Variants in HIRA observed in about 807,000 individuals in gnomAD.
HIRA encodes the protein histone cell cycle regulator, also known as protein HIRA.
In HIRA, 13 loss-of-function variants were observed where a neutral mutation model predicts 126.6. The observed-to-expected ratio is 0.10, with a 90% CI of 0.07 to 0.16. The LOEUF (loss-of-function observed/expected upper bound fraction) is 0.16, where lower values mean the gene tolerates loss of function less well. HIRA is among the 10% of genes least tolerant of loss of function. The pLI, the probability that HIRA is intolerant of heterozygous loss-of-function variation, is 1.00. For missense variants in HIRA, 834 were observed against 1,314.4 expected (o/e 0.63, Z 5.65); for synonymous variants, 511 against 520.0 (o/e 0.98, Z 0.24).
chr22:19,350,595 T>A (rs890164882), intron 24 of HIRA, among the ~76,000 whole-genome samples: 2 of 152,280 alleles, frequency 1.3e-5, no homozygotes, highest in East Asian at 3.9e-4. Context: ...ACCACACTGA[T>A]CCAAGTCACC....
chr22:19,361,438 CA>C, intron 16 of HIRA, 97 bp from the exon 17 acceptor site: 4 of 1,016,592 alleles, frequency 3.9e-6, no homozygotes. Flanking sequence ...AGCCTGCGAC[CA>C]GAGCATTTCC....
chr22:19,429,393 C>T (rs1887756369), intron 1 of HIRA, among the ~76,000 whole-genome samples: 1 of 152,174 alleles, frequency 6.6e-6, no homozygotes, highest in Non-Finnish European at 1.5e-5. Flanking sequence ...GCCTCAGCCT[C>T]CCAAAGTGCT....
At chr22:19,364,403 T>C (rs1232442972) in intron 15 of HIRA, among the ~76,000 whole-genome samples, 1 of 152,214 alleles carries the variant, frequency 6.6e-6, no homozygotes, top group East Asian at 1.9e-4. Context: ...GCAGAGACTA[T>C]GTTTTTTTTA....
chr22:19,369,338 TCACTGCCCAAC>T (rs1412183212), intron 15 of HIRA, among the ~76,000 whole-genome samples: 1 of 152,182 alleles, frequency 6.6e-6, no homozygotes, highest in African/African-American at 2.4e-5. Flanking sequence ...TGCAGGGGTC[TCACTGCCCAAC>T]CACTGTGACG....
chr22:19,397,058 C>T, intron 6 of HIRA, 111 bp from the exon 7 acceptor site: 1 of 933,796 alleles, frequency 1.1e-6, no homozygotes, highest in Non-Finnish European at 1.6e-6. Context: ...TCTGCCATGG[C>T]CAGCCCCCAC....
At chr22:19,333,573 G>T (rs781967146) in intron 24 of HIRA, among the ~76,000 whole-genome samples, 2 of 152,088 alleles carry the variant, frequency 1.3e-5, no homozygotes, top group African/African-American at 2.4e-5. Flanking sequence ...GTTCCTTTGG[G>T]ATTTTCCTAC....
chr22:19,406,904 T>G (rs1206190533), intron 4 of HIRA, among the ~76,000 whole-genome samples: 1 of 152,296 alleles, frequency 6.6e-6, no homozygotes, highest in East Asian at 1.9e-4. Flanking sequence ...GAAATTTCAC[T>G]TGAAAAAACA....
intron 1 of HIRA, among the ~76,000 whole-genome samples, chr22:19,420,433 T>C (rs1331548170): frequency 2.3e-5 from 3 of 129,698 alleles, no homozygotes; most frequent in African/African-American, 6.5e-5. Context: ...GCCACTGCAC[T>C]GCAGCCTGGG....
intron 9 of HIRA, among the ~76,000 whole-genome samples, chr22:19,391,304 G>A (rs746166453): frequency 1.3e-5 from 2 of 152,160 alleles, no homozygotes; most frequent in Non-Finnish European, 2.9e-5. Context: ...AAACTCATCA[G>A]TGTAACAGAG....
intron 13 of HIRA, among the ~76,000 whole-genome samples, chr22:19,379,471 A>G (rs2089051134): frequency 6.6e-6 from 1 of 150,844 alleles, no homozygotes; most frequent in African/African-American, 2.4e-5. Context: ...CTAAAAATAC[A>G]AAAATTAGCC....
chr22:19,373,702 C>G (rs1206219794), intron 15 of HIRA, among the ~76,000 whole-genome samples: 1 of 152,164 alleles, frequency 6.6e-6, no homozygotes. Flanking sequence ...CAAAAACAGG[C>G]TGAGACATTC....
intron 5 of HIRA, among the ~76,000 whole-genome samples, chr22:19,399,514 C>A (rs564736403): frequency 2.0e-5 from 3 of 152,274 alleles, no homozygotes; most frequent in African/African-American, 7.2e-5. Context: ...TGAAGATTAA[C>A]TGGATTCTGG....
intron 9 of HIRA, among the ~76,000 whole-genome samples, chr22:19,391,355 C>T (rs2089179415): frequency 6.6e-6 from 1 of 152,124 alleles, no homozygotes; most frequent in South Asian, 2.1e-4. Context: ...GAGGTCTTGA[C>T]TGGGGAGGGA....
Position 19,378,054 on chromosome 22 carries a change from C to T in HIRA, c.1428G>A (p.Thr476=), listed in dbSNP as rs375533004. The part of the protein sequence containing the change: ...IAQLDTGDFS[T]AFFNSIPLSG... The stretch of plus-strand genomic sequence containing the variant: ...AGAGGGGGATGCTGTTAAAGAATGC[C>T]GTGGAGAAGTCCCTGTCATCAAGTA... Residue 476 remains threonine (T), a synonymous_variant, in exon 14 of 25, where the codon ACG becomes ACA. Transcript: ENST00000263208. 40 of 1,578,228 alleles carry T rather than the reference C, an allele frequency of 2.5e-5. No individual in the cohort carries two copies. Among genetic ancestry groups the T allele is most frequent in the Middle Eastern group, 3.4e-4 (2 of 5,890 alleles).
chr22:19,356,670 G>A (rs782655186), intron 19 of HIRA, among the ~76,000 whole-genome samples: 1 of 152,134 alleles, frequency 6.6e-6, no homozygotes, highest in East Asian at 1.9e-4. Flanking sequence ...GGAAATAATC[G>A]AGCAGGCAAG....
At chr22:19,400,231 G>T (rs953060808) in intron 5 of HIRA, among the ~76,000 whole-genome samples, 3 of 152,134 alleles carry the variant, frequency 2.0e-5, no homozygotes, top group African/African-American at 7.2e-5. Context: ...TCTGCTAGAG[G>T]TCTGGTAAAT....
At chr22:19,361,415 A>G in intron 16 of HIRA, 74 bp from the exon 17 acceptor site, 1 of 1,289,974 alleles carries the variant, frequency 7.8e-7, no homozygotes, top group Non-Finnish European at 1.1e-6. Flanking sequence ...CAGGTCACCC[A>G]GAAGTGAGGC....
intron 24 of HIRA, among the ~76,000 whole-genome samples, chr22:19,342,662 A>G (rs950677532): frequency 6.6e-6 from 1 of 152,230 alleles, no homozygotes; most frequent in African/African-American, 2.4e-5. Flanking sequence ...TGCTGGGATT[A>G]CAGGCATGAG....
chr22:19,351,968 C>T lies in HIRA; in HGVS notation c.2849-522G>A, dbSNP rs1478527756. 1.3e-5 allele frequency among the ~76,000 whole-genome samples: 2 copies of T among 151,956 alleles called. No homozygotes were observed. Among genetic ancestry groups the T allele is most frequent in the Non-Finnish European group, 2.9e-5 (2 of 68,016 alleles). On this transcript the variant is annotated intron_variant, in intron 23 of 24. Coordinates refer to ENST00000263208, the MANE Select transcript of HIRA (RefSeq NM_003325.4). This position sits in a 1 kb window ranked among gnomAD's most constrained non-coding sequence, Gnocchi z 4.8. Reference sequence around the variant, plus strand: ...CCACCCAGTAGGGCTGCTAGAAAGGCTGGAGGTAGAGTGTCGGGGTTTGTC... The same window carrying T: ...CCACCCAGTAGGGCTGCTAGAAAGGTTGGAGGTAGAGTGTCGGGGTTTGTC...
Sources: gnomAD v4.1 joint callset for allele counts (sites outside exome capture counted in the v4.1 genomes callset) on GRCh38, gnomAD v4.1.1 for gene constraint, Gnocchi (gnomAD v3.1) non-coding constraint, MANE v1.5 for transcripts, NCBI Gene and HGNC (gene_info 2026-07-23, HGNC 2026-07-21) for gene names.